Variants in ANO8 observed in about 807,000 individuals in gnomAD.
ANO8 encodes the protein anoctamin-8.
Under a neutral mutation model 120.4 loss-of-function variants are expected in ANO8, and 67 were observed. The observed-to-expected ratio is 0.56, with a 90% confidence interval of 0.46 to 0.68. The LOEUF is 0.68. Ranked by LOEUF, ANO8 falls within the 30% of genes least tolerant of loss-of-function variation. The pLI, the probability that ANO8 is intolerant of heterozygous loss-of-function variation, is 0.00. For synonymous variants in ANO8, 727 were observed against 759.2 expected (o/e 0.96, Z 0.70); for missense variants, 1,526 against 1,737.6 (o/e 0.88, Z 2.16).
In ANO8 at chr19:17,327,305, A is replaced by G. The variant is rs2074278958; in HGVS notation, c.2591T>C (p.Ile864Thr). 4 of 1,549,696 alleles carry G rather than the reference A, an allele frequency of 2.6e-6. No individual in the cohort carries two copies. The highest frequency in any genetic ancestry group is 3.5e-6 in the Non-Finnish European group (4 of 1,146,780). ...LLLKYLIHVA[I>T]PDIPGWVAEE... ...GGCCACCCAGCCCGGGATATCGGGGATGGCCACGTGGATGAGGTACTTGAG... is the reference window on the plus strand; with the variant it reads ...GGCCACCCAGCCCGGGATATCGGGGGTGGCCACGTGGATGAGGTACTTGAG... The change falls in exon 16 of 18, where the codon ATC becomes ACC. Residue 864 changes from isoleucine (I) to threonine (T), a missense_variant. Transcript: ENST00000159087.
In ANO8 at chr19:17,333,866, GCTC is replaced by G; in HGVS notation, c.107-69_107-67del. On this transcript the variant is annotated intron_variant, in intron 1 of 17. Coordinates refer to ENST00000159087, the MANE Select transcript of ANO8 (RefSeq NM_020959.3). The surrounding 1 kb of genome is among the most constrained non-coding windows in gnomAD (Gnocchi z 7.2). ...GATCCGGACCCGGCCTCCAGTCTTG[GCTC>G]CTCCTGCCCCCGCCAGGGCTCCTCA... 7.3e-7 allele frequency: 1 copy of G among 1,364,816 alleles called. No homozygotes were observed. 84.5% of individuals were successfully genotyped at this position (1,364,816 alleles called of 1,614,324 possible).
intron 12 of ANO8, 71 bp from the exon 13 acceptor site, chr19:17,329,054 C>G (rs1222096266): frequency 2.4e-6 from 3 of 1,248,858 alleles, no homozygotes; most frequent in Non-Finnish European, 3.1e-6. Context: ...GGGACTCACC[C>G]TCCCTGGGCG....
chr19:17,332,277 C>T (rs549017381), intron 5 of ANO8, among the ~76,000 whole-genome samples: 1 of 151,590 alleles, frequency 6.6e-6, no homozygotes, highest in Admixed American at 6.6e-5. Context: ...GACAGGGTCT[C>T]GCTCTGTCAC....
At chr19:17,327,208 A>C in intron 16 of ANO8, 27 bp downstream of exon 16, 1 of 1,504,074 alleles carries the variant, frequency 6.6e-7, no homozygotes, top group Non-Finnish European at 8.9e-7. Context: ...ACCAATGAGA[A>C]AACCGAGCCC....
chr19:17,330,114 G>A lies in ANO8; in HGVS notation c.1273+11C>T. On this transcript the variant is annotated intron_variant, in intron 10 of 17. Transcript: ENST00000159087. Reference sequence around the variant, plus strand: ...AGACCTTCCTCCCAGAGACCCCCTGGCAGGTCGTACCCATGTCATTGAGCC... The same window carrying A: ...AGACCTTCCTCCCAGAGACCCCCTGACAGGTCGTACCCATGTCATTGAGCC... 2 of 1,614,002 alleles carry A rather than the reference G, an allele frequency of 1.2e-6. No individual in the cohort carries two copies. Among genetic ancestry groups the A allele is most frequent in the South Asian group, 2.2e-5 (2 of 91,084 alleles).
Position 17,323,499 on chromosome 19 carries a change from A to G in ANO8, c.*18T>C, listed in dbSNP as rs2074251303. 2 of 1,290,992 alleles carry G rather than the reference A, an allele frequency of 1.5e-6. No individual in the cohort carries two copies. The highest frequency in any genetic ancestry group is 2.8e-5 in the East Asian group (1 of 35,468). The allele number at this position is 1,290,992 out of a possible 1,614,324, so 80.0% of individuals were successfully genotyped here. A position where few individuals can be genotyped will look rare whatever the true frequency, so the allele number is the denominator to read the frequency against. On this transcript the variant is annotated 3_prime_UTR_variant, in exon 18 of 18. Transcript: ENST00000159087. Reference sequence around the variant, plus strand: ...TGACTGATATTGCATATGAGAAGAGAAGGCAGGGCGGGTAGAGCTAATGCC... The same window carrying G: ...TGACTGATATTGCATATGAGAAGAGGAGGCAGGGCGGGTAGAGCTAATGCC...
At position 17,331,343 on chromosome 19, in the gene ANO8, G is replaced by C. The variant is rs762609612; in HGVS notation, c.655C>G (p.Arg219Gly). Residue 219 changes from arginine to glycine, a missense_variant, in exon 6 of 18, where the codon CGC becomes GGC. Around this residue, in one of 8 missense-constraint regions of ANO8, gnomAD observed 322 missense variants for 431.8 expected, o/e 0.75. Transcript: ENST00000159087. ...GCCTGCACCCATGACTTCATGAGGC[G>C]GTTCAGAATACGCTGCTCGTGGACA... ...FPVHEQRILN[R>G]LMKSWVQAVC... 6.2e-7 allele frequency: 1 copy of C among 1,614,086 alleles called. No individual in the cohort carries two copies. Among genetic ancestry groups the C allele is most frequent in the Non-Finnish European group, 8.5e-7 (1 of 1,180,026 alleles).
chr19:17,331,280 C>G lies in ANO8; in HGVS notation c.703+15G>C. 6.2e-7 allele frequency: 1 copy of G among 1,614,206 alleles called. No homozygotes were observed. The highest frequency in any genetic ancestry group is 8.5e-7 in the Non-Finnish European group (1 of 1,180,030). Reference sequence around the variant, plus strand: ...TCTGCTGGGACTCCCTCCCACCCCCCAGCCCAGGCAGCACCTAGAGGCTGG... The same window carrying G: ...TCTGCTGGGACTCCCTCCCACCCCCGAGCCCAGGCAGCACCTAGAGGCTGG... On this transcript the variant is annotated intron_variant, in intron 6 of 17. Coordinates refer to ENST00000159087, the MANE Select transcript of ANO8 (RefSeq NM_020959.3).
chr19:17,325,037 G>C lies in ANO8; in HGVS notation c.3011C>G (p.Ala1004Gly), dbSNP rs376345438. Residue 1004 changes from alanine to glycine, a missense_variant, in exon 17 of 18, where the codon GCC becomes GGC. This residue lies in a region of ANO8 where 489 missense variants were observed against 548.6 expected (regional missense o/e 0.89). Transcript: ENST00000159087. ...CTGGGCAGGGGGAGGCCGGGTGGTG[G>C]CTCCGGCCCCTGCAGCAGCCAGTGA... ...TSSLAAAGAG[A>G]TTRPPPAQSP... 1 of 1,612,960 alleles carries C rather than the reference G, an allele frequency of 6.2e-7. No individual in the cohort carries two copies. Among genetic ancestry groups the C allele is most frequent in the African/African-American group, 1.3e-5 (1 of 75,064 alleles).
In ANO8 at chr19:17,328,374, GT is replaced by G; in HGVS notation, c.2013del (p.Glu671AspfsTer68). The G allele has an allele frequency of 1.3e-6, 2 of 1,573,792 alleles. No individual in the cohort carries two copies. The highest frequency in any genetic ancestry group is 2.3e-5 in the South Asian group (2 of 87,556). On this transcript the variant is annotated frameshift_variant, in exon 13 of 18. Coordinates refer to ENST00000159087, the MANE Select transcript of ANO8 (RefSeq NM_020959.3). LOFTEE classifies it high-confidence loss of function. ...CGGAACAAGATGGCCGGGGGCTCCC[GT>G]TCAGGGCTGCCGGGAGCCCCCTCCG... ...DEAEGAPGSP[E>X]REPPAILFRR...
chr19:17,325,367 TG>T lies in ANO8; in HGVS notation c.2680del (p.Gln894SerfsTer83). On this transcript the variant is annotated frameshift_variant, in exon 17 of 18. Coordinates refer to ENST00000159087, the MANE Select transcript of ANO8 (RefSeq NM_020959.3). LOFTEE classifies it high-confidence loss of function. ...EAFKRHERQA[Q>X]HRYQQQQRRR... ...GCGCTGCTGCTGCTGGTAGCGATGC[TG>T]GGCCTGGCGCTCGTGTCTCTGCAGG... 1.3e-6 allele frequency: 2 copies of T among 1,592,024 alleles called. No individual in the cohort carries two copies.
rs1281938008 is a variant in ANO8 at position 17,333,951 on chromosome 19, C to T, written c.107-151G>A. 6 of 663,362 alleles carry T rather than the reference C, an allele frequency of 9.0e-6. No individual in the cohort carries two copies. The South Asian group carries it at 9.2e-5, about 10-fold the overall frequency. The allele number at this position is 663,362 out of a possible 1,614,324, so 41.1% of individuals were successfully genotyped here. A position where few individuals can be genotyped will look rare whatever the true frequency, so the allele number is the denominator to read the frequency against. On this transcript the variant is annotated intron_variant, in intron 1 of 17. Coordinates refer to ENST00000159087, the MANE Select transcript of ANO8 (RefSeq NM_020959.3). The surrounding 1 kb of genome is among the most constrained non-coding windows in gnomAD (Gnocchi z 7.2). The stretch of plus-strand genomic sequence containing the variant: ...CTCTGGGCTTGGCTTATTTTCCTCC[C>T]TCCACGTCCTTGTACCAGCCAGGCC...
At position 17,323,817 on chromosome 19, in the gene ANO8, C is replaced by G; in HGVS notation, c.3399G>C (p.Pro1133=). Residue 1133 remains proline (P), a synonymous_variant, in exon 18 of 18, where the codon CCG becomes CCC. Transcript: ENST00000159087. ...GGGGCCGGGGCAGCGGCATTGGCGG[C>G]GGCGGCGCGGGGCTCCGGCTGCGGC... ...RTRRSRSPAP[P]PPMPLPRPPT... 2 of 1,138,120 alleles carry G rather than the reference C, an allele frequency of 1.8e-6. No individual in the cohort carries two copies. Among genetic ancestry groups the G allele is most frequent in the Non-Finnish European group, 2.2e-6 (2 of 927,932 alleles). 70.5% of individuals were successfully genotyped at this position (1,138,120 alleles called of 1,614,324 possible).
rs1468881485 is a variant in ANO8, at chr19:17,327,552, C to T, written c.2436G>A (p.Met812Ile). Reference protein sequence around the residue: ...IGQWQKVMEAMGVLAIVVNCY... With the variant: ...IGQWQKVMEAIGVLAIVVNCY... ...AGTTGACCACAATCGCTAGGACACC[C>T]ATGGCCTCCATCACCTTCTGCAGGG... The change falls in exon 15 of 18, where the codon ATG (methionine) becomes ATA (isoleucine). Residue 812 changes from methionine (M) to isoleucine (I), a missense_variant. Physicochemically the swap from Met to Ile is conservative, Grantham distance 10. This residue lies in a region of ANO8 where 77 missense variants were observed against 131.5 expected (regional missense o/e 0.59). Coordinates refer to ENST00000159087, the MANE Select transcript of ANO8 (RefSeq NM_020959.3). 2.5e-6 allele frequency: 4 copies of T among 1,613,390 alleles called. No individual in the cohort carries two copies. The highest frequency in any genetic ancestry group is 1.3e-5 in the African/African-American group (1 of 74,932).
intron 11 of ANO8, 50 bp downstream of exon 11, chr19:17,329,909 C>T (rs566583230): frequency 3.7e-6 from 6 of 1,613,314 alleles, no homozygotes; most frequent in East Asian, 4.5e-5. Context: ...CCCATACAGA[C>T]GGCACAGCTT....
At chr19:17,329,324 G>A (rs2074299795) in intron 12 of ANO8, 4 of 349,566 alleles carry the variant, frequency 1.1e-5, no homozygotes, top group Non-Finnish European at 2.1e-5. Context: ...CTCCGCGCAT[G>A]CGCCCTCAGC....
chr19:17,324,919 G>A lies in ANO8; in HGVS notation c.3129C>T (p.His1043=), dbSNP rs564693313. 6.2e-7 allele frequency: 1 copy of A among 1,613,424 alleles called. No individual in the cohort carries two copies. Among genetic ancestry groups the A allele is most frequent in the Non-Finnish European group, 8.5e-7 (1 of 1,179,890 alleles). The part of the protein sequence containing the change: ...PETRRDSERS[H]SPPKAFHAGK... ...CAGCATGGAAGGCTTTGGGCGGTGA[G>A]TGGCTGCGCTCAGAGTCCCGCCGGG... is the stretch of plus-strand genomic sequence containing the variant. Residue 1043 remains histidine, a synonymous_variant, in exon 17 of 18, where the codon CAC becomes CAT. Transcript: ENST00000159087.
rs759442473 is a variant in ANO8, at chr19:17,327,892, C to G, written c.2227-12G>C. 7 of 1,609,986 alleles carry G rather than the reference C, an allele frequency of 4.3e-6. No individual in the cohort carries two copies. The South Asian group carries it at 4.4e-5, about 10-fold the overall frequency. On this transcript the variant is annotated splice_polypyrimidine_tract_variant and intron_variant, in intron 13 of 17. Coordinates refer to ENST00000159087, the MANE Select transcript of ANO8 (RefSeq NM_020959.3). Reference sequence around the variant, plus strand: ...TCCTGGAACGTGTCCTGCGAGTGGGCGGGCCTCAGACCTGGAAGCCTCTTC... The same window carrying G: ...TCCTGGAACGTGTCCTGCGAGTGGGGGGGCCTCAGACCTGGAAGCCTCTTC...
At position 17,330,216 on chromosome 19, in the gene ANO8, G is replaced by T. The variant is rs144196289; in HGVS notation, c.1182C>A (p.Leu394=). ...LVLSVKGLPR[L]ARFLPKVMLA... is the part of the protein sequence containing the mutation. ...GCATGACCTTAGGCAGGAATCGGGC[G>T]AGACGGGGCAACCCCTTCACGCTCA... is the stretch of plus-strand genomic sequence containing the variant. Residue 394 remains leucine (L), a synonymous_variant, in exon 10 of 18, where the codon CTC becomes CTA. Coordinates refer to ENST00000159087, the MANE Select transcript of ANO8 (RefSeq NM_020959.3). The T allele has an allele frequency of 3.7e-6, 6 of 1,613,924 alleles. No homozygotes were observed. Among genetic ancestry groups the T allele is most frequent in the African/African-American group, 2.7e-5 (2 of 74,922 alleles).
Sources: gnomAD v4.1 joint callset for allele counts (sites outside exome capture counted in the v4.1 genomes callset) on GRCh38, gnomAD v4.1.1 for gene constraint, gnomAD v4.1.1 regional missense constraint, Gnocchi (gnomAD v3.1) non-coding constraint, MANE v1.5 for transcripts, NCBI Gene and HGNC (gene_info 2026-07-23, HGNC 2026-07-21) for gene names.